Variants in SGCZ observed in about 807,000 individuals in gnomAD.
The protein encoded by SGCZ is zeta-sarcoglycan.
SGCZ carries 40 observed loss-of-function variants against 41.3 expected under a neutral mutation model. That is an observed-to-expected ratio of 0.97 (90% confidence interval 0.75 to 1.26). SGCZ has a LOEUF of 1.26. SGCZ is among the 50% of genes most tolerant of loss of function. The probability of loss-of-function intolerance (pLI) is 0.00; values close to 1 mark genes in which losing one functional copy is unlikely to be tolerated. For synonymous variants in SGCZ, 206 were observed against 137.5 expected (o/e 1.50, Z -3.49); for missense variants, 552 against 369.8 (o/e 1.49, Z -4.04).
At chr8:15,102,408 G>A (rs1487114976) in intron 1 of SGCZ, among the ~76,000 whole-genome samples, 1 of 152,106 alleles carries the variant, frequency 6.6e-6, no homozygotes, top group Non-Finnish European at 1.5e-5. Context: ...AGTTTTTAGG[G>A]CAGTGAAACT....
intron 1 of SGCZ, among the ~76,000 whole-genome samples, chr8:14,731,499 C>T (rs1406176288): frequency 6.6e-6 from 1 of 151,956 alleles, no homozygotes; most frequent in Admixed American, 6.6e-5. Context: ...CAAACCTGCA[C>T]GTACTGCACA....
Position 15,221,901 on chromosome 8 carries a change from G to A in SGCZ, c.39+15684C>T, listed in dbSNP as rs79986565. Among the ~76,000 whole-genome samples the A allele has an allele frequency of 2.0e-4, 30 of 152,198 alleles. No homozygotes were observed. In the East Asian group the frequency reaches 5.6e-3, roughly 28 times the overall value. On this transcript the variant is annotated intron_variant, in intron 1 of 7. Transcript: ENST00000382080. ...ACCATGTCACCATGTGGAACACTCT[G>A]CAGGAATCTGAATGGCCCACACAAC... is the stretch of plus-strand genomic sequence containing the variant.
At chr8:14,501,385 C>T (rs769836300) in intron 2 of SGCZ, among the ~76,000 whole-genome samples, 1 of 151,904 alleles carries the variant, frequency 6.6e-6, no homozygotes, top group South Asian at 2.1e-4. Flanking sequence ...GAAGTCGATA[C>T]AGGAGATGTT....
At chr8:14,292,137 T>C (rs1465385952) in intron 3 of SGCZ, among the ~76,000 whole-genome samples, 4 of 152,046 alleles carry the variant, frequency 2.6e-5, no homozygotes, top group African/African-American at 9.7e-5. Context: ...AATTAATCAA[T>C]GTAATAAAAA....
intron 4 of SGCZ, among the ~76,000 whole-genome samples, chr8:14,180,360 T>G (rs898221024): frequency 6.6e-6 from 1 of 152,072 alleles, no homozygotes; most frequent in Admixed American, 6.5e-5. Flanking sequence ...CTATCCACTC[T>G]GAATGCGGGG....
chr8:14,551,532 TAATATATATAA>T (rs1563404577), intron 2 of SGCZ, among the ~76,000 whole-genome samples: 78 of 5,648 alleles, frequency 0.014, 7 homozygotes, highest in African/African-American at 0.038. Context: ...ATAATATATA[TAATATATATAA>T]TATATATAAT....
intron 1 of SGCZ, among the ~76,000 whole-genome samples, chr8:15,136,929 A>T (rs992688883): frequency 1.3e-5 from 2 of 152,184 alleles, no homozygotes; most frequent in African/African-American, 2.4e-5. Context: ...AAGGCAGAGG[A>T]TGGAACAGTT....
At chr8:14,641,630 C>T (rs1585147451) in intron 1 of SGCZ, among the ~76,000 whole-genome samples, 1 of 151,612 alleles carries the variant, frequency 6.6e-6, no homozygotes, top group East Asian at 1.9e-4. Context: ...TATTTATTCA[C>T]AGTCTCCAAA....
At chr8:14,616,923 G>T (rs1486664959) in intron 1 of SGCZ, among the ~76,000 whole-genome samples, 1 of 151,822 alleles carries the variant, frequency 6.6e-6, no homozygotes, top group Non-Finnish European at 1.5e-5. Context: ...TTACCTTTAG[G>T]TTGTTCTCTG....
chr8:15,108,699 A>G (rs1282785867), intron 1 of SGCZ, among the ~76,000 whole-genome samples: 1 of 152,178 alleles, frequency 6.6e-6, no homozygotes, highest in Admixed American at 6.5e-5. Context: ...TGTTCACTCT[A>G]TATCGAAGAT....
intron 1 of SGCZ, among the ~76,000 whole-genome samples, chr8:15,017,165 C>G (rs1189662190): frequency 6.6e-6 from 1 of 152,212 alleles, no homozygotes; most frequent in Non-Finnish European, 1.5e-5. Flanking sequence ...ACTTTAGTTA[C>G]TTTTCAGTAG....
At chr8:14,772,752 T>A (rs1186943042) in intron 1 of SGCZ, among the ~76,000 whole-genome samples, 1 of 152,090 alleles carries the variant, frequency 6.6e-6, no homozygotes, top group South Asian at 2.1e-4. Flanking sequence ...ACAAAGGACA[T>A]GAACTCATCA....
intron 2 of SGCZ, among the ~76,000 whole-genome samples, chr8:14,324,432 G>C (rs576939896): frequency 2.0e-5 from 3 of 152,014 alleles, no homozygotes; most frequent in Non-Finnish European, 4.4e-5. Context: ...TGTCTTCTTC[G>C]AGCTCTACCA....
At chr8:14,491,669 A>G (rs1179273058) in intron 2 of SGCZ, among the ~76,000 whole-genome samples, 1 of 152,210 alleles carries the variant, frequency 6.6e-6, no homozygotes, top group Non-Finnish European at 1.5e-5. Context: ...GGAGTAAGAA[A>G]CATCTTACGG....
intron 1 of SGCZ, among the ~76,000 whole-genome samples, chr8:15,182,794 C>A (rs1024106571): frequency 3.9e-5 from 6 of 152,082 alleles, no homozygotes; most frequent in African/African-American, 1.4e-4. Flanking sequence ...GTTACTGAAA[C>A]TTTTTTACTT....
At chr8:15,055,118 G>T (rs1179989321) in intron 1 of SGCZ, among the ~76,000 whole-genome samples, 5 of 151,986 alleles carry the variant, frequency 3.3e-5, no homozygotes, top group Non-Finnish European at 5.9e-5. Flanking sequence ...TCATAATATG[G>T]TTCCTGCCTT....
At chr8:14,421,733 T>C (rs1172785451) in intron 2 of SGCZ, among the ~76,000 whole-genome samples, 1 of 152,156 alleles carries the variant, frequency 6.6e-6, no homozygotes, top group Non-Finnish European at 1.5e-5. Context: ...TCCCAAGCGC[T>C]ATCTTGTCTA....
intron 1 of SGCZ, among the ~76,000 whole-genome samples, chr8:14,719,089 T>C (rs1004719069): frequency 3.4e-5 from 5 of 146,030 alleles, no homozygotes; most frequent in Admixed American, 7.1e-5. Flanking sequence ...CACCTATGAG[T>C]GAGAATATGC....
At chr8:14,791,869 G>A (rs145558622) in intron 1 of SGCZ, among the ~76,000 whole-genome samples, 22 of 152,268 alleles carry the variant, frequency 1.4e-4, no homozygotes, top group Middle Eastern at 3.4e-3. Context: ...TCTGCTTTGC[G>A]TTAAAATGAT....
Sources: gnomAD v4.1 joint callset for allele counts (sites outside exome capture counted in the v4.1 genomes callset) on GRCh38, gnomAD v4.1.1 for gene constraint, MANE v1.5 for transcripts, NCBI Gene and HGNC (gene_info 2026-07-23, HGNC 2026-07-21) for gene names.